The following PDE10A variants were observed in gnomAD, a reference collection of about 807,000 sequenced individuals.
PDE10A encodes the protein phosphodiesterase 10A.
Under a neutral mutation model 97.7 loss-of-function variants are expected in PDE10A, and 39 were observed. The ratio of observed to expected loss-of-function variants is 0.40; its 90% CI spans 0.31 to 0.52. The LOEUF (loss-of-function observed/expected upper bound fraction) is 0.52, where lower values mean the gene tolerates loss of function less well. Among genes scored for constraint, PDE10A ranks in the 20% least tolerant of loss-of-function variants. The pLI is 0.56. For synonymous variants in PDE10A, 371 were observed against 376.8 expected (o/e 0.98, Z 0.18); for missense variants, 731 against 1,047.8 (o/e 0.70, Z 4.17).
chr6:165,662,049 G>C lies in PDE10A; in HGVS notation c.763C>G (p.Leu255Val). Reference protein sequence around the residue: ...PRRPQGASFALAAAAALLFGS... With the variant: ...PRRPQGASFAVAAAAALLFGS... ...AAGAGCAGCGCGGCCGCGGCGGCGA[G>C]GGCGAAGCTGGCGCCCTGGGGACGC... The change falls in exon 1 of 22, where the codon CTC becomes GTC. Residue 255 changes from leucine (L) to valine (V), a missense_variant. Leu to Val is a conservative substitution (Grantham distance 32, BLOSUM62 1). Coordinates refer to ENST00000539869, the MANE Select transcript of PDE10A (RefSeq NM_001385079.1). 6.8e-7 allele frequency: 1 copy of C among 1,462,666 alleles called. No individual in the cohort carries two copies. Among genetic ancestry groups the C allele is most frequent in the Non-Finnish European group, 9.1e-7 (1 of 1,099,456 alleles). 90.6% of individuals were successfully genotyped at this position (1,462,666 alleles called of 1,614,324 possible). A position where few individuals can be genotyped will look rare whatever the true frequency, so the allele number is the denominator to read the frequency against.
intron 1 of PDE10A, among the ~76,000 whole-genome samples, chr6:165,724,786 G>A (rs1792251434): frequency 1.3e-5 from 2 of 152,210 alleles, no homozygotes; most frequent in South Asian, 4.1e-4. Flanking sequence ...GTCAAGAGGT[G>A]AAACGTTTGG....
chr6:165,604,839 G>C (rs922670749), intron 1 of PDE10A, among the ~76,000 whole-genome samples: 3 of 152,224 alleles, frequency 2.0e-5, no homozygotes, highest in African/African-American at 7.2e-5. Context: ...AGGGTCATAT[G>C]TGGGTAGTGG....
intron 1 of PDE10A, among the ~76,000 whole-genome samples, chr6:165,688,762 G>T (rs1306075552): frequency 2.0e-5 from 3 of 152,122 alleles, no homozygotes; most frequent in Non-Finnish European, 4.4e-5. Flanking sequence ...ATTGTATAAA[G>T]AAACTCTAAA....
In PDE10A at chr6:165,329,886, T is replaced by C. The variant is rs1426710420; in HGVS notation, c.*3139A>G. On this transcript the variant is annotated 3_prime_UTR_variant, in exon 22 of 22. Coordinates refer to ENST00000539869, the MANE Select transcript of PDE10A (RefSeq NM_001385079.1). ...CAAGATGGGTTTTTCATACACCTCTTAGAGAGAAGTACAGCTGGGAAATGG... is the reference window on the plus strand; with the variant it reads ...CAAGATGGGTTTTTCATACACCTCTCAGAGAGAAGTACAGCTGGGAAATGG... 2 of 152,138 alleles carry C rather than the reference T, an allele frequency of 1.3e-5. No individual in the cohort carries two copies. The highest frequency in any genetic ancestry group is 4.8e-5 in the African/African-American group (2 of 41,458). The allele number at this position is 152,138 out of a possible 1,614,324, so 9.4% of individuals were successfully genotyped here.
At chr6:165,757,769 T>G (rs549167384) in intron 1 of PDE10A, among the ~76,000 whole-genome samples, 2 of 152,344 alleles carry the variant, frequency 1.3e-5, no homozygotes, top group African/African-American at 4.8e-5. Flanking sequence ...TAGGGCAATT[T>G]TCAACTTATT....
intron 1 of PDE10A, among the ~76,000 whole-genome samples, chr6:165,586,925 T>A (rs1483311727): frequency 2.0e-5 from 3 of 152,086 alleles, no homozygotes; most frequent in South Asian, 4.1e-4. Flanking sequence ...TGGGGTACTT[T>A]GTCTTAAAAT....
chr6:165,794,604 CAT>C (rs1282406859), intron 1 of PDE10A, among the ~76,000 whole-genome samples: 3 of 152,198 alleles, frequency 2.0e-5, no homozygotes, highest in East Asian at 1.9e-4. Flanking sequence ...CTCACACACT[CAT>C]ACACTCACAT....
At chr6:165,844,962 G>C (rs996920932) in intron 1 of PDE10A, among the ~76,000 whole-genome samples, 3 of 152,188 alleles carry the variant, frequency 2.0e-5, no homozygotes, top group African/African-American at 7.2e-5. Flanking sequence ...ACAGACTGCT[G>C]TATATTCTCA....
chr6:165,474,139 T>C (rs1038443583), intron 3 of PDE10A, among the ~76,000 whole-genome samples: 5 of 152,160 alleles, frequency 3.3e-5, no homozygotes, highest in African/African-American at 9.6e-5. Flanking sequence ...TCTTACTTTC[T>C]GAGAGGGGAT....
chr6:165,807,902 A>G (rs74956658), intron 1 of PDE10A, among the ~76,000 whole-genome samples: 1,588 of 152,274 alleles, frequency 0.01, 30 homozygotes, highest in African/African-American at 0.037. Flanking sequence ...GTTTTCTTCT[A>G]CTACAAAATC....
chr6:165,480,955 G>A (rs578193484), intron 3 of PDE10A, among the ~76,000 whole-genome samples: 13 of 152,274 alleles, frequency 8.5e-5, no homozygotes, highest in South Asian at 4.1e-4. Flanking sequence ...TCAGAGATGC[G>A]CTTTTCTCCA....
chr6:165,507,901 T>G (rs891145388), intron 2 of PDE10A, among the ~76,000 whole-genome samples: 1 of 152,026 alleles, frequency 6.6e-6, no homozygotes, highest in Non-Finnish European at 1.5e-5. Flanking sequence ...TTCTTAAGAC[T>G]TCAAATAAAC....
At position 165,662,666 on chromosome 6, in the gene PDE10A, G is replaced by A. The variant is rs992040354; in HGVS notation, c.146C>T (p.Pro49Leu). The change falls in exon 1 of 22, where the codon CCG becomes CTG. Residue 49 changes from proline (P) to leucine (L), a missense_variant. Pro to Leu is a moderately conservative substitution (Grantham distance 98, BLOSUM62 -3). Around this residue, in one of 8 missense-constraint regions of PDE10A, gnomAD observed 181 missense variants for 159.1 expected, o/e 1.14. Transcript: ENST00000539869. ...GCCACGGCCAGGCCACTCGGGGGCC[G>A]GGCCCGGGCCCGCCGCGCTCCCCCC... ...AGGGSAAGPGPAPEWPGRGRA... is the reference protein window; with the variant it reads ...AGGGSAAGPGLAPEWPGRGRA... 7.1e-6 allele frequency: 1 copy of A among 140,682 alleles called. No homozygotes were observed. The highest frequency in any genetic ancestry group is 6.9e-5 in the Admixed American group (1 of 14,442). The allele number at this position is 140,682 out of a possible 1,614,324, so 8.7% of individuals were successfully genotyped here.
chr6:165,937,721 CA>C (rs1554342538), intron 1 of PDE10A, among the ~76,000 whole-genome samples: 1 of 152,166 alleles, frequency 6.6e-6, no homozygotes, highest in Non-Finnish European at 1.5e-5. Context: ...GAGCTGTTGT[CA>C]GTTTCACAAA....
At chr6:165,579,684 T>C (rs1354589441) in intron 1 of PDE10A, among the ~76,000 whole-genome samples, 2 of 152,160 alleles carry the variant, frequency 1.3e-5, no homozygotes, top group Admixed American at 6.5e-5. Flanking sequence ...AAACATAAAC[T>C]AGATCATGTT....
chr6:165,439,738 C>T (rs1790293494), intron 5 of PDE10A, among the ~76,000 whole-genome samples: 1 of 152,144 alleles, frequency 6.6e-6, no homozygotes, highest in Admixed American at 6.6e-5. Context: ...GCGCACAAGT[C>T]ATAATCAATA....
At chr6:165,443,251 T>A (rs1234851261) in intron 5 of PDE10A, among the ~76,000 whole-genome samples, 1 of 152,078 alleles carries the variant, frequency 6.6e-6, no homozygotes, top group East Asian at 1.9e-4. Context: ...AATGCTCCCA[T>A]TCCAAAAGGA....
At chr6:165,868,013 A>G (rs1440882801) in intron 1 of PDE10A, among the ~76,000 whole-genome samples, 7 of 152,256 alleles carry the variant, frequency 4.6e-5, no homozygotes, top group Non-Finnish European at 8.8e-5. Flanking sequence ...AACCTATGGT[A>G]TACAGCAAAA....
intron 1 of PDE10A, among the ~76,000 whole-genome samples, chr6:165,873,116 C>T (rs543467117): frequency 9.9e-5 from 15 of 152,126 alleles, no homozygotes; most frequent in Admixed American, 2.0e-4. Flanking sequence ...CCAGAATGTT[C>T]GGGGGAGCAG....
Sources: gnomAD v4.1 joint callset for allele counts (sites outside exome capture counted in the v4.1 genomes callset) on GRCh38, gnomAD v4.1.1 for gene constraint, gnomAD v4.1.1 regional missense constraint, MANE v1.5 for transcripts, NCBI Gene and HGNC (gene_info 2026-07-23, HGNC 2026-07-21) for gene names.